The following PCGF2 variants were observed in gnomAD, a reference collection of about 807,000 sequenced individuals.
The protein encoded by PCGF2 is polycomb group ring finger 2.
A neutral mutation model predicts 36.1 loss-of-function variants in PCGF2; 8 were observed. That is an observed-to-expected ratio of 0.22 (90% CI 0.13 to 0.40). The LOEUF is 0.40. Ranked by LOEUF, PCGF2 falls within the 10% of genes least tolerant of loss-of-function variation. The pLI is 1.00. For synonymous variants in PCGF2, 198 were observed against 191.2 expected, an observed-to-expected ratio of 1.04 and a Z score of -0.29; for missense variants, 436 against 475.9, an observed-to-expected ratio of 0.92 and a Z score of 0.78.
intron 2 of PCGF2, among the ~76,000 whole-genome samples, chr17:38,746,306 A>G (rs1264788927): frequency 1.3e-5 from 2 of 150,848 alleles, no homozygotes; most frequent in Non-Finnish European, 3.0e-5. Flanking sequence ...TAGACACGCC[A>G]CAACCCTCCC....
chr17:38,737,227 C>T (rs1223317175), intron 9 of PCGF2, among the ~76,000 whole-genome samples: 1 of 152,194 alleles, frequency 6.6e-6, no homozygotes, highest in African/African-American at 2.4e-5. Flanking sequence ...CTTTGGGAGG[C>T]TGAAGCGGGT....
chr17:38,735,156 A>G lies in PCGF2; in HGVS notation c.*67T>C. The G allele has an allele frequency of 8.1e-7, 1 of 1,231,616 alleles. No homozygotes were observed. The highest frequency in any genetic ancestry group is 1.0e-6 in the Non-Finnish European group (1 of 952,784). 76.3% of individuals were successfully genotyped at this position (1,231,616 alleles called of 1,614,324 possible). ...GCTGGGGAAAGTAGAAGAGGTGGAA[A>G]AAAGGGCCCAGAAAAAGTGGAAGGA... On this transcript the variant is annotated 3_prime_UTR_variant, in exon 11 of 11. Transcript: ENST00000620225.
upstream of PCGF2, chr17:38,749,683 C>T (rs1431399002): frequency 6.6e-6 from 3 of 455,930 alleles, no homozygotes; most frequent in Non-Finnish European, 1.3e-5. The surrounding 1 kb of genome is among the most constrained non-coding windows in gnomAD (Gnocchi z 6.5). Context: ...CGCCTGCCTC[C>T]TCTTCCCTCG....
intron 9 of PCGF2, among the ~76,000 whole-genome samples, chr17:38,736,684 A>G (rs1286921068): frequency 6.6e-6 from 1 of 152,056 alleles, no homozygotes; most frequent in African/African-American, 2.4e-5. Flanking sequence ...AATACAAAAA[A>G]TTAGCTGGGC....
At chr17:38,741,151 G>A (rs1320084636) in intron 2 of PCGF2, among the ~76,000 whole-genome samples, 1 of 151,508 alleles carries the variant, frequency 6.6e-6, no homozygotes, top group Non-Finnish European at 1.5e-5. Flanking sequence ...ATTTTGGGAG[G>A]CTGTGGCAGG....
At position 38,740,251 on chromosome 17, in the gene PCGF2, A is replaced by G. The variant is rs201400081; in HGVS notation, c.112+40T>C. The G allele has an allele frequency of 1.0e-3, 1,597 of 1,574,760 alleles. 11 individuals are homozygous for G. The African/African-American group carries it at 0.018, about 17-fold the overall frequency. ...CGTGCCCGCCCCAATCTGGGCACAGAGGCTGCCCACCCTGAGCAGCTCCCC... is the reference window on the plus strand; with the variant it reads ...CGTGCCCGCCCCAATCTGGGCACAGGGGCTGCCCACCCTGAGCAGCTCCCC... On this transcript the variant is annotated intron_variant, in intron 3 of 10. Transcript: ENST00000620225.
chr17:38,736,046 C>T (rs367882378), intron 10 of PCGF2, 44 bp downstream of exon 10: 321 of 1,312,590 alleles, frequency 2.4e-4, no homozygotes, highest in Non-Finnish European at 8.9e-5. Context: ...CTATGCCAGA[C>T]CCTGTGGGAG....
intron 3 of PCGF2, 97 bp downstream of exon 3, chr17:38,740,194 G>A (rs1250428163): frequency 1.8e-6 from 2 of 1,128,832 alleles, no homozygotes; most frequent in East Asian, 4.8e-5. Context: ...TGGCTCTTTA[G>A]GGCAAGGGTT....
rs2230090 is a variant in PCGF2, at chr17:38,738,854, G to A, written c.324C>T (p.Asn108=). The change falls in exon 7 of 11, where the codon AAC becomes AAT. Residue 108 remains asparagine (N), a synonymous_variant. Transcript: ENST00000620225. ...YAAYPLTEVP[N]GSNEDRGEVL... is the part of the protein sequence containing the mutation. ...CCTCGCCGCGGTCCTCATTGGAGCC[G>A]TTGGGGACTGCAGAAGGAAAGAGCT... is the stretch of plus-strand genomic sequence containing the variant. The A allele has an allele frequency of 2.6e-4, 418 of 1,613,276 alleles. No homozygotes were observed. The African/African-American group carries it at 3.9e-3, about 15-fold the overall frequency.
At chr17:38,738,978 G>C in intron 6 of PCGF2, 90 bp downstream of exon 6, 1 of 1,541,402 alleles carries the variant, frequency 6.5e-7, no homozygotes, top group Non-Finnish European at 9.0e-7. Context: ...AGGTGTGCGC[G>C]GAGGAGGTCA....
chr17:38,739,853 G>A lies in PCGF2; in HGVS notation c.113-171C>T, dbSNP rs959471127. ...CGTGTGGTACCTGTCCTTGTGCACTGTTGAGGGAAGCTGGATCTTGTGTGA... is the reference window on the plus strand; with the variant it reads ...CGTGTGGTACCTGTCCTTGTGCACTATTGAGGGAAGCTGGATCTTGTGTGA... On this transcript the variant is annotated intron_variant, in intron 3 of 10. Transcript: ENST00000620225. The surrounding 1 kb of genome is among the most constrained non-coding windows in gnomAD (Gnocchi z 4.0). 2.6e-5 allele frequency among the ~76,000 whole-genome samples: 4 copies of A among 152,162 alleles called. No individual in the cohort carries two copies. Among genetic ancestry groups the A allele is most frequent in the Middle Eastern group, 3.2e-3 (1 of 314 alleles).
At chr17:38,745,225 G>A (rs1410704585) in intron 2 of PCGF2, among the ~76,000 whole-genome samples, 1 of 152,176 alleles carries the variant, frequency 6.6e-6, no homozygotes, top group Non-Finnish European at 1.5e-5. Flanking sequence ...CCAGCTACTC[G>A]GGAGGCTGAG....
chr17:38,743,067 G>A (rs1048640551), intron 2 of PCGF2, among the ~76,000 whole-genome samples: 2 of 149,572 alleles, frequency 1.3e-5, no homozygotes, highest in Middle Eastern at 3.5e-3. Flanking sequence ...TCACACACTC[G>A]CTGTGTTTTC....
chr17:38,735,231 A>AG lies in PCGF2; in HGVS notation c.1026dup (p.Thr344AsnfsTer45). On this transcript the variant is annotated frameshift_variant, in exon 11 of 11. Coordinates refer to ENST00000620225, the MANE Select transcript of PCGF2 (RefSeq NM_007144.3). LOFTEE classifies it high-confidence loss of function. ...GGAGAGGGTCCCTGGCCTCAAGTTA[A>AG]GGGGGGCACGGGAGCGCCGTTGACA... The AG allele has an allele frequency of 2.1e-6, 3 of 1,425,134 alleles. No individual in the cohort carries two copies. Among genetic ancestry groups the AG allele is most frequent in the Non-Finnish European group, 2.8e-6 (3 of 1,079,122 alleles). The allele number at this position is 1,425,134 out of a possible 1,614,324, so 88.3% of individuals were successfully genotyped here. A position where few individuals can be genotyped will look rare whatever the true frequency, so the allele number is the denominator to read the frequency against.
chr17:38,739,694 GGAGA>G lies in PCGF2; in HGVS notation c.113-16_113-13del, dbSNP rs748774884. 9 of 1,606,598 alleles carry G rather than the reference GGAGA, an allele frequency of 5.6e-6. No homozygotes were observed. In the East Asian group the frequency reaches 1.1e-4, roughly 20 times the overall value. ...GCAGGTTTTGCAGACTTGGGGGTGTGGAGAGAGAGAGGAGAGTCAGAGCCAACTT... is the reference window on the plus strand; with the variant it reads ...GCAGGTTTTGCAGACTTGGGGGTGTGGAGAGAGGAGAGTCAGAGCCAACTT... On this transcript the variant is annotated splice_polypyrimidine_tract_variant and intron_variant, in intron 3 of 10. Transcript: ENST00000620225. The surrounding 1 kb of genome is among the most constrained non-coding windows in gnomAD (Gnocchi z 4.0).
At chr17:38,744,175 G>A (rs1262288362) in intron 2 of PCGF2, among the ~76,000 whole-genome samples, 1 of 152,136 alleles carries the variant, frequency 6.6e-6, no homozygotes, top group Non-Finnish European at 1.5e-5. Context: ...TGACCCTTAG[G>A]CAGCCCACAT....
rs766283137 is a variant in PCGF2 at position 38,739,065 on chromosome 17, C to T, written c.316+3G>A. On this transcript the variant is annotated splice_donor_region_variant and intron_variant, in intron 6 of 10. Transcript: ENST00000620225. The surrounding 1 kb of genome is among the most constrained non-coding windows in gnomAD (Gnocchi z 4.0). ...ACACACAAACAGACGCGAGCACACTCACCCTCCGTCAGGGGGTACGCTGCA... is the reference window on the plus strand; with the variant it reads ...ACACACAAACAGACGCGAGCACACTTACCCTCCGTCAGGGGGTACGCTGCA... 6.2e-7 allele frequency: 1 copy of T among 1,612,772 alleles called. No homozygotes were observed. The highest frequency in any genetic ancestry group is 1.1e-5 in the South Asian group (1 of 91,020).
chr17:38,735,123 T>G lies in PCGF2; in HGVS notation c.*100A>C. On this transcript the variant is annotated 3_prime_UTR_variant, in exon 11 of 11. Transcript: ENST00000620225. ...TAAAACCCGCCCCCCACCCCCAAGG[T>G]GGGAAGAGCTGGGGAAAGTAGAAGA... The G allele has an allele frequency of 2.3e-4, 185 of 800,104 alleles. No individual in the cohort carries two copies. Among genetic ancestry groups the G allele is most frequent in the Non-Finnish European group, 3.0e-4 (172 of 582,162 alleles). The allele number at this position is 800,104 out of a possible 1,614,324, so 49.6% of individuals were successfully genotyped here.
intron 2 of PCGF2, among the ~76,000 whole-genome samples, chr17:38,745,701 A>C (rs1219036539): frequency 6.6e-6 from 1 of 152,210 alleles, no homozygotes; most frequent in Admixed American, 6.5e-5. Flanking sequence ...TAAAGCAGTA[A>C]TGCCCGGCTT....
Sources: gnomAD v4.1 joint callset for allele counts (sites outside exome capture counted in the v4.1 genomes callset) on GRCh38, gnomAD v4.1.1 for gene constraint, Gnocchi (gnomAD v3.1) non-coding constraint, MANE v1.5 for transcripts, NCBI Gene and HGNC (gene_info 2026-07-23, HGNC 2026-07-21) for gene names.